Variants in NECTIN3 observed in about 807,000 individuals in gnomAD.
The protein encoded by NECTIN3 is nectin-3.
In NECTIN3, 8 loss-of-function variants were observed where a neutral mutation model predicts 49.4. The observed-to-expected ratio is 0.16, with a 90% CI of 0.10 to 0.29. The LOEUF (loss-of-function observed/expected upper bound fraction) is 0.29, where lower values mean the gene tolerates loss of function less well. Ranked by LOEUF, NECTIN3 falls within the 10% of genes least tolerant of loss-of-function variation. NECTIN3 has a pLI of 1.00. For synonymous variants in NECTIN3, 277 were observed against 241.1 expected, an observed-to-expected ratio of 1.15 and a Z score of -1.38; for missense variants, 581 against 654.6, an observed-to-expected ratio of 0.89 and a Z score of 1.23.
chr3:111,155,576 GC>G (rs1429154136), intron 7 of NECTIN3, among the ~76,000 whole-genome samples: 1 of 152,118 alleles, frequency 6.6e-6, no homozygotes, highest in Non-Finnish European at 1.5e-5. Flanking sequence ...TTAGAACAAA[GC>G]AACTAAATTG....
intron 1 of NECTIN3, 119 bp from the exon 2 acceptor site, chr3:111,111,911 G>GTGCA (rs2033483127): frequency 1.9e-6 from 1 of 526,714 alleles, no homozygotes; most frequent in African/African-American, 2.2e-5. Flanking sequence ...GTGTGTGTGT[G>GTGCA]TGTGTGTGTG....
At chr3:111,155,854 C>T (rs1203802604) in intron 7 of NECTIN3, among the ~76,000 whole-genome samples, 1 of 152,108 alleles carries the variant, frequency 6.6e-6, no homozygotes, top group Non-Finnish European at 1.5e-5. Context: ...CCAGTGAGAC[C>T]TCAGTCCCTG....
downstream of NECTIN3, chr3:111,137,585 CTA>C (rs1559803744): frequency 2.6e-6 from 2 of 759,476 alleles, no homozygotes; most frequent in South Asian, 6.0e-5. Context: ...GTTCATTGCT[CTA>C]TGTTACCATC....
At chr3:111,085,647 A>G (rs749653190) in intron 1 of NECTIN3, among the ~76,000 whole-genome samples, 1 of 151,968 alleles carries the variant, frequency 6.6e-6, no homozygotes, top group African/African-American at 2.4e-5. Context: ...TGAACTTTGT[A>G]ATACTTCTTT....
Position 111,134,042 on chromosome 3 carries a change from A to C in NECTIN3, c.1477A>C (p.Thr493Pro). 1.2e-6 allele frequency: 2 copies of C among 1,613,152 alleles called. No homozygotes were observed. The highest frequency in any genetic ancestry group is 1.7e-5 in the Admixed American group (1 of 59,858). Residue 493 changes from threonine to proline, a missense_variant, in exon 6 of 6, where the codon ACT (threonine) becomes CCT (proline). Physicochemically the swap from Thr to Pro is conservative, Grantham distance 38. Coordinates refer to ENST00000485303, the MANE Select transcript of NECTIN3 (RefSeq NM_015480.3). ...RKDYLEEPEK[T>P]QWNNVENLNR... is the part of the protein sequence containing the mutation. ...AGACTATTTAGAAGAGCCTGAAAAA[A>C]CTCAGTGGAACAATGTAGAAAATCT...
intron 7 of NECTIN3, among the ~76,000 whole-genome samples, chr3:111,157,758 G>T (rs1410142757): frequency 6.6e-6 from 1 of 151,990 alleles, no homozygotes; most frequent in Admixed American, 6.6e-5. Context: ...AAGTTTTAAG[G>T]CCTCTTCCAG....
rs1312301909 is a variant in NECTIN3, at chr3:111,134,403, A to AT, written c.*196dup. On this transcript the variant is annotated 3_prime_UTR_variant, in exon 6 of 6. Transcript: ENST00000485303. ...TTCAGTGTATCTAAGCTGCTTTACA[A>AT]TTTTTTTTCAATGCTGTACTACTGT... 1.4e-5 allele frequency: 19 copies of AT among 1,322,648 alleles called. No homozygotes were observed. Among genetic ancestry groups the AT allele is most frequent in the Non-Finnish European group, 1.4e-5 (15 of 1,038,524 alleles). The allele number at this position is 1,322,648 out of a possible 1,614,324, so 81.9% of individuals were successfully genotyped here.
chr3:111,129,557 G>A (rs1217820905), intron 5 of NECTIN3, among the ~76,000 whole-genome samples: 1 of 152,086 alleles, frequency 6.6e-6, no homozygotes, highest in African/African-American at 2.4e-5. Flanking sequence ...ATCTGCTTTT[G>A]TGTAACTTAA....
chr3:111,114,520 G>C (rs1000001747), intron 2 of NECTIN3, among the ~76,000 whole-genome samples: 13 of 152,138 alleles, frequency 8.5e-5, no homozygotes, highest in Admixed American at 7.9e-4. Flanking sequence ...TGTCCCTAAA[G>C]CCAGTAAGAG....
chr3:111,183,543 A>C (rs2035665460), intron 7 of NECTIN3, among the ~76,000 whole-genome samples: 1 of 152,048 alleles, frequency 6.6e-6, no homozygotes, highest in Non-Finnish European at 1.5e-5. Context: ...CAAACTCCTG[A>C]CCTGAAGTGA....
At chr3:111,115,783 T>G (rs1384241839) in intron 2 of NECTIN3, among the ~76,000 whole-genome samples, 1 of 152,230 alleles carries the variant, frequency 6.6e-6, no homozygotes, top group Non-Finnish European at 1.5e-5. Context: ...TTGTAATTTC[T>G]GCCACATGAA....
chr3:111,107,105 A>G (rs1176255625), intron 1 of NECTIN3, among the ~76,000 whole-genome samples: 1 of 152,114 alleles, frequency 6.6e-6, no homozygotes, highest in African/African-American at 2.4e-5. Context: ...GTGATCTGTA[A>G]TATGGATCTC....
At chr3:111,152,892 G>A (rs1012039510) in intron 7 of NECTIN3, among the ~76,000 whole-genome samples, 2 of 151,932 alleles carry the variant, frequency 1.3e-5, no homozygotes, top group East Asian at 3.9e-4. Context: ...AGTCATTTTT[G>A]TAATACATCA....
At chr3:111,167,901 T>C in intron 7 of NECTIN3, among the ~76,000 whole-genome samples, 1 of 152,172 alleles carries the variant, frequency 6.6e-6, no homozygotes, top group East Asian at 1.9e-4. Flanking sequence ...GGACATTATG[T>C]ACCAGCTTCT....
chr3:111,075,390 G>A (rs1159767128), intron 1 of NECTIN3: 1 of 151,898 alleles, frequency 6.6e-6, no homozygotes, highest in African/African-American at 2.4e-5. Flanking sequence ...TCATTGGCAG[G>A]TTATTTAACC....
chr3:111,087,112 C>G (rs377378374), intron 1 of NECTIN3, among the ~76,000 whole-genome samples: 4 of 152,212 alleles, frequency 2.6e-5, no homozygotes, highest in African/African-American at 9.6e-5. Context: ...CTTAATTTCA[C>G]TTATTTCTAA....
chr3:111,156,974 T>TC (rs1284081503), intron 7 of NECTIN3, among the ~76,000 whole-genome samples: 1 of 152,184 alleles, frequency 6.6e-6, no homozygotes, highest in Non-Finnish European at 1.5e-5. Flanking sequence ...AGTTGGTAAC[T>TC]CCATCTTTTT....
At chr3:111,182,096 CTTAA>C (rs1018183987) in intron 7 of NECTIN3, among the ~76,000 whole-genome samples, 4 of 151,832 alleles carry the variant, frequency 2.6e-5, no homozygotes, top group African/African-American at 4.8e-5. Flanking sequence ...TATTTCTTTG[CTTAA>C]TTAGTTATTT....
intron 1 of NECTIN3, 29 bp downstream of exon 1, chr3:111,072,206 C>G (rs2030808565): frequency 6.6e-7 from 1 of 1,526,450 alleles, no homozygotes; most frequent in Admixed American, 2.0e-5. Context: ...CCGGCGTGGG[C>G]TGAGGGAGCC....
Sources: gnomAD v4.1 joint callset for allele counts (sites outside exome capture counted in the v4.1 genomes callset) on GRCh38, gnomAD v4.1.1 for gene constraint, MANE v1.5 for transcripts, NCBI Gene and HGNC (gene_info 2026-07-23, HGNC 2026-07-21) for gene names.